Variants in MTPN observed in about 807,000 individuals in gnomAD.
The protein encoded by MTPN is granule cell differentiation protein.
A neutral mutation model predicts 13.5 loss-of-function variants in MTPN; 2 were observed. The observed-to-expected ratio is 0.15, with a 90% CI of 0.06 to 0.47. MTPN has a LOEUF of 0.47. Ranked by LOEUF, MTPN falls within the 20% of genes least tolerant of loss-of-function variation. MTPN has a pLI of 0.97. For synonymous variants in MTPN, 46 were observed against 51.7 expected (o/e 0.89, Z 0.48); for missense variants, 79 against 137.9 (o/e 0.57, Z 2.14).
chr7:135,963,719 G>A lies in MTPN; in HGVS notation c.73-12089C>T, dbSNP rs111903213. Among the ~76,000 whole-genome samples, 19 of 151,968 alleles carry A rather than the reference G, an allele frequency of 1.3e-4. No individual in the cohort carries two copies. In the South Asian group the frequency reaches 1.9e-3, roughly 15 times the overall value. On this transcript the variant is annotated intron_variant, in intron 1 of 3. Coordinates refer to ENST00000393085, the MANE Select transcript of MTPN (RefSeq NM_145808.4). ...CAAATATGAACTCATTTTAAATAAT[G>A]AATAACAATACATTTGTTATGTATT...
Position 135,929,534 on chromosome 7 carries a change from C to T in MTPN, c.*392G>A, listed in dbSNP as rs1030892338. 1 of 208,936 alleles carries T rather than the reference C, an allele frequency of 4.8e-6. No homozygotes were observed. The highest frequency in any genetic ancestry group is 2.3e-5 in the African/African-American group (1 of 42,792). 12.9% of individuals were successfully genotyped at this position (208,936 alleles called of 1,614,324 possible). A position where few individuals can be genotyped will look rare whatever the true frequency, so the allele number is the denominator to read the frequency against. ...ATCACAGCAGCCACTACTGCTCAGA[C>T]AGTTAGGGCTACCAAATATGTAGAG... is the stretch of plus-strand genomic sequence containing the variant. On this transcript the variant is annotated 3_prime_UTR_variant, in exon 4 of 4. Coordinates refer to ENST00000393085, the MANE Select transcript of MTPN (RefSeq NM_145808.4).
chr7:135,944,689 CAT>C (rs1003211012), intron 3 of MTPN, among the ~76,000 whole-genome samples: 2 of 152,002 alleles, frequency 1.3e-5, no homozygotes, highest in African/African-American at 2.4e-5. Flanking sequence ...AAATGTGCCA[CAT>C]GATAGTGTAT....
chr7:135,969,520 CAA>C (rs5887753), intron 1 of MTPN, among the ~76,000 whole-genome samples: 1 of 148,236 alleles, frequency 6.7e-6, no homozygotes. Flanking sequence ...TGAGAACTGT[CAA>C]AAAAAAAGTA....
chr7:135,955,470 T>G (rs1054227077), intron 1 of MTPN, among the ~76,000 whole-genome samples: 1 of 152,194 alleles, frequency 6.6e-6, no homozygotes, highest in Non-Finnish European at 1.5e-5. Context: ...AGACTCCAGA[T>G]GGCACCACTG....
At chr7:135,950,999 T>C (rs138952847) in intron 2 of MTPN, among the ~76,000 whole-genome samples, 8 of 152,234 alleles carry the variant, frequency 5.3e-5, no homozygotes, top group African/African-American at 1.9e-4. Flanking sequence ...ACTGTAGAAA[T>C]GCCAGTGTGG....
chr7:135,935,823 T>C (rs997241282), intron 3 of MTPN, among the ~76,000 whole-genome samples: 4 of 151,994 alleles, frequency 2.6e-5, no homozygotes, highest in African/African-American at 9.7e-5. Context: ...CTTTTCTCAT[T>C]GTTGCTTCTG....
intron 1 of MTPN, among the ~76,000 whole-genome samples, chr7:135,971,903 T>G (rs574928998): frequency 6.6e-6 from 1 of 152,228 alleles, no homozygotes; most frequent in Non-Finnish European, 1.5e-5. Flanking sequence ...AAGGTTAGAT[T>G]ATATGTGACC....
intron 3 of MTPN, among the ~76,000 whole-genome samples, chr7:135,944,171 T>C (rs894797): frequency 0.079 from 12,065 of 152,178 alleles, 541 homozygotes; most frequent in Admixed American, 0.1. Flanking sequence ...CATCTTTAAA[T>C]GATTGATAAA....
chr7:135,929,224 C>T lies in MTPN; in HGVS notation c.*702G>A, dbSNP rs1287933688. ...CTGGAATGGTTTCTCCTTTAGACTT[C>T]CAAAACTTAAGATTTTATAAATAAA... On this transcript the variant is annotated 3_prime_UTR_variant, in exon 4 of 4. Transcript: ENST00000393085. The T allele has an allele frequency of 1.8e-5, 3 of 166,872 alleles. No individual in the cohort carries two copies. Among genetic ancestry groups the T allele is most frequent in the African/African-American group, 7.3e-5 (3 of 41,370 alleles). 10.3% of individuals were successfully genotyped at this position (166,872 alleles called of 1,614,324 possible).
In MTPN at chr7:135,950,624, G is replaced by C. The variant is rs1192303457; in HGVS notation, c.245C>G (p.Ser82Cys). ...CTTTGACAGAAGCAATTTCACACAG[G>C]AAACATGACCCTCATAGACAGCAGA... ...LLSAVYEGHV[S>C]CVKLLLSKGA... is the part of the protein sequence containing the mutation. Residue 82 changes from serine (S) to cysteine (C), a missense_variant, in exon 3 of 4, where the codon TCC becomes TGC. Ser to Cys is a moderately radical substitution (Grantham distance 112). Coordinates refer to ENST00000393085, the MANE Select transcript of MTPN (RefSeq NM_145808.4). 6.2e-7 allele frequency: 1 copy of C among 1,613,116 alleles called. No individual in the cohort carries two copies. Among genetic ancestry groups the C allele is most frequent in the African/African-American group, 1.3e-5 (1 of 74,860 alleles).
At chr7:135,932,899 G>C (rs796110757) in intron 3 of MTPN, 2 of 151,992 alleles carry the variant, frequency 1.3e-5, no homozygotes, top group African/African-American at 4.8e-5. Context: ...AGACCAGCCC[G>C]GCCAACATGG....
chr7:135,947,771 A>G (rs1799307543), intron 3 of MTPN, among the ~76,000 whole-genome samples: 1 of 152,084 alleles, frequency 6.6e-6, no homozygotes, highest in Non-Finnish European at 1.5e-5. Context: ...CCCCGAGATA[A>G]ATGGTTTCCT....
chr7:135,951,740 C>A, intron 1 of MTPN, 110 bp from the exon 2 acceptor site: 2 of 619,814 alleles, frequency 3.2e-6, no homozygotes, highest in South Asian at 2.8e-5. Flanking sequence ...TTTCATGAAA[C>A]AATTAACATT....
At chr7:135,969,243 AAAAAAAAAAAG>A (rs1044669400) in intron 1 of MTPN, among the ~76,000 whole-genome samples, 2 of 149,138 alleles carry the variant, frequency 1.3e-5, no homozygotes, top group African/African-American at 2.4e-5. Flanking sequence ...TATAATAAAA[AAAAAAAAAAAG>A]AAAAAAAAAA....
rs190153598 is a variant in MTPN at position 135,928,952 on chromosome 7, A to T, written c.*974T>A. ...TGGTGCAGTAAGTAATCAGCCTCCA[A>T]GATGGGTCTGAGAGAGGCATTTCAA... On this transcript the variant is annotated 3_prime_UTR_variant, in exon 4 of 4. Transcript: ENST00000393085. The T allele has an allele frequency of 4.4e-4, 74 of 167,226 alleles. No homozygotes were observed. The highest frequency in any genetic ancestry group is 1.4e-3 in the African/African-American group (58 of 41,592). The allele number at this position is 167,226 out of a possible 1,614,324, so 10.4% of individuals were successfully genotyped here. A position where few individuals can be genotyped will look rare whatever the true frequency, so the allele number is the denominator to read the frequency against.
chr7:135,932,296 A>C (rs1456959957), intron 3 of MTPN: 1 of 152,088 alleles, frequency 6.6e-6, no homozygotes, highest in Admixed American at 6.6e-5. Flanking sequence ...AAAGCTGACA[A>C]GTTCCTGCTA....
At chr7:135,936,101 G>C (rs77372865) in intron 3 of MTPN, among the ~76,000 whole-genome samples, 2,449 of 152,164 alleles carry the variant, frequency 0.016, 30 homozygotes, top group African/African-American at 0.037. Flanking sequence ...CCTTTTACCA[G>C]ACTAACTATG....
At position 135,977,158 on chromosome 7, in the gene MTPN, C is replaced by A. The variant is rs1799791151; in HGVS notation, c.-58G>T. On this transcript the variant is annotated 5_prime_UTR_variant, in exon 1 of 4. Transcript: ENST00000393085. ...GAAGATGAGGAGGCGGTGGCAGCAG[C>A]AAGCGGATGCCGCCGGGCGAGAGGG... 2 of 1,571,854 alleles carry A rather than the reference C, an allele frequency of 1.3e-6. No individual in the cohort carries two copies. Among genetic ancestry groups the A allele is most frequent in the Admixed American group, 3.3e-5 (2 of 59,920 alleles).
At chr7:135,953,480 C>T (rs1562933237) in intron 1 of MTPN, among the ~76,000 whole-genome samples, 10 of 152,152 alleles carry the variant, frequency 6.6e-5, no homozygotes, top group Admixed American at 5.9e-4. Context: ...ACAGTACCTG[C>T]AGCTCATGGA....
Sources: gnomAD v4.1 joint callset for allele counts (sites outside exome capture counted in the v4.1 genomes callset) on GRCh38, gnomAD v4.1.1 for gene constraint, MANE v1.5 for transcripts, NCBI Gene and HGNC (gene_info 2026-07-23, HGNC 2026-07-21) for gene names.